Variants in ATP13A5 observed in about 807,000 individuals in gnomAD.
ATP13A5 encodes ATPase 13A5.
A neutral mutation model predicts 150.2 loss-of-function variants in ATP13A5; 149 were observed. That is an observed-to-expected ratio of 0.99 (90% confidence interval 0.87 to 1.14). The LOEUF (loss-of-function observed/expected upper bound fraction) is 1.14. Ranked by LOEUF, ATP13A5 falls within the 50% of genes most tolerant of loss-of-function variation. ATP13A5 has a pLI of 0.00. For missense variants in ATP13A5, 1,383 were observed against 1,449.3 expected, an observed-to-expected ratio of 0.95 and a Z score of 0.74; for synonymous variants, 497 against 522.2, an observed-to-expected ratio of 0.95 and a Z score of 0.66.
At chr3:193,293,092 C>A (rs1718031902) in intron 25 of ATP13A5, among the ~76,000 whole-genome samples, 1 of 151,940 alleles carries the variant, frequency 6.6e-6, no homozygotes, top group Non-Finnish European at 1.5e-5. Context: ...GCTTAAAGAC[C>A]CACAGTTAGT....
In ATP13A5 at chr3:193,345,054, G is replaced by A. The variant is rs745824116; in HGVS notation, c.763C>T (p.Leu255Phe). ...LRQQSVKLHN[L>F]VEDHNKVQVT... ...TGGACTTTGTTGTGGTCCTCCACGA[G>A]GTTATGCAGCTTAACTGATTGCTAC... is the stretch of plus-strand genomic sequence containing the variant. The change falls in exon 8 of 30, where the codon CTC (leucine) becomes TTC (phenylalanine). Residue 255 changes from leucine (L) to phenylalanine (F), a missense_variant. By Grantham distance (22) the Leu-to-Phe change is conservative (BLOSUM62 0). Around this residue, in one of 3 missense-constraint regions of ATP13A5, gnomAD observed 787 missense variants for 771.9 expected, o/e 1.02. Coordinates refer to ENST00000342358, the MANE Select transcript of ATP13A5 (RefSeq NM_198505.4). 6.2e-7 allele frequency: 1 copy of A among 1,613,520 alleles called. No individual in the cohort carries two copies. Among genetic ancestry groups the A allele is most frequent in the Non-Finnish European group, 8.5e-7 (1 of 1,179,678 alleles).
intron 16 of ATP13A5, 80 bp from the exon 17 acceptor site, chr3:193,319,188 T>C: frequency 1.0e-6 from 1 of 980,590 alleles, no homozygotes; most frequent in Non-Finnish European, 1.6e-6. Flanking sequence ...ACAGCCATTG[T>C]ACCTTGTCTT....
chr3:193,346,765 G>A (rs181235655), intron 7 of ATP13A5, among the ~76,000 whole-genome samples: 1 of 152,224 alleles, frequency 6.6e-6, no homozygotes, highest in African/African-American at 2.4e-5. Context: ...ATATACTTCA[G>A]TTTTGCATGG....
intron 26 of ATP13A5, among the ~76,000 whole-genome samples, chr3:193,285,814 C>A (rs1227860696): frequency 6.6e-6 from 1 of 152,140 alleles, no homozygotes; most frequent in Non-Finnish European, 1.5e-5. Context: ...ATCTGAAATG[C>A]CTTTACTTTT....
At chr3:193,276,454 G>T (rs764360364) in intron 29 of ATP13A5, among the ~76,000 whole-genome samples, 3 of 152,176 alleles carry the variant, frequency 2.0e-5, no homozygotes, top group Non-Finnish European at 4.4e-5. Context: ...GTCTTTACTA[G>T]ATTGTTGAAA....
intron 12 of ATP13A5, among the ~76,000 whole-genome samples, chr3:193,328,174 C>T (rs13096709): frequency 0.51 from 78,173 of 152,026 alleles, 22,445 homozygotes; most frequent in Non-Finnish European, 0.65. Flanking sequence ...AAATCCAGCC[C>T]TTCTGGAGTC....
chr3:193,334,347 A>G (rs994076550), intron 10 of ATP13A5, among the ~76,000 whole-genome samples: 17 of 152,212 alleles, frequency 1.1e-4, no homozygotes, highest in African/African-American at 4.1e-4. Context: ...ACTGGGACTC[A>G]GGAAGTGTTT....
intron 29 of ATP13A5, among the ~76,000 whole-genome samples, chr3:193,276,232 A>T (rs1303937234): frequency 1.3e-5 from 2 of 152,218 alleles, no homozygotes; most frequent in African/African-American, 4.8e-5. Flanking sequence ...CTCTCCTTTT[A>T]CAAAGATAAT....
intron 1 of ATP13A5, among the ~76,000 whole-genome samples, chr3:193,366,567 A>G (rs1713245722): frequency 6.6e-6 from 1 of 152,066 alleles, no homozygotes; most frequent in African/African-American, 2.4e-5. Flanking sequence ...ACAATCCCAA[A>G]TTTTTGCACA....
rs186998372 is a variant in ATP13A5 at position 193,307,481 on chromosome 3, T to C, written c.2526-112A>G. ...GATTTGTGTGTATGTGTGTGTCCCC[T>C]GAACACACCTGGAATCAGGCTGAAG... On this transcript the variant is annotated intron_variant, in intron 21 of 29. Transcript: ENST00000342358. The C allele has an allele frequency of 8.1e-6, 10 of 1,234,856 alleles. No homozygotes were observed. The East Asian group carries it at 9.8e-5, about 12-fold the overall frequency. 76.5% of individuals were successfully genotyped at this position (1,234,856 alleles called of 1,614,324 possible).
At chr3:193,307,659 C>T (rs1467528703) in intron 21 of ATP13A5, among the ~76,000 whole-genome samples, 2 of 152,148 alleles carry the variant, frequency 1.3e-5, no homozygotes, top group African/African-American at 4.8e-5. Flanking sequence ...CTTGATGATA[C>T]GCACCAAGGC....
At position 193,277,437 on chromosome 3, in the gene ATP13A5, G is replaced by T. The variant is rs575070283; in HGVS notation, c.3316-607C>A. Among the ~76,000 whole-genome samples the T allele has an allele frequency of 3.0e-4, 46 of 152,194 alleles. No individual in the cohort carries two copies. In the Middle Eastern group the frequency reaches 0.01, roughly 34 times the overall value. On this transcript the variant is annotated intron_variant, in intron 28 of 29. Coordinates refer to ENST00000342358, the MANE Select transcript of ATP13A5 (RefSeq NM_198505.4). Reference sequence around the variant, plus strand: ...ATAACTTCCCACGGCTGCATCCATAGCAAAAGGCTAGTTACACAGCCTTTT... The same window carrying T: ...ATAACTTCCCACGGCTGCATCCATATCAAAAGGCTAGTTACACAGCCTTTT...
In ATP13A5 at chr3:193,278,719, C is replaced by G. The variant is rs1158432875; in HGVS notation, c.3315+647G>C. Among the ~76,000 whole-genome samples, 4 of 152,302 alleles carry G rather than the reference C, an allele frequency of 2.6e-5. No homozygotes were observed. In the East Asian group the frequency reaches 7.7e-4, roughly 29 times the overall value. On this transcript the variant is annotated intron_variant, in intron 28 of 29. Transcript: ENST00000342358. ...CAGTGGGGCCTCCTTCTTCTATGTT[C>G]TTCCCAGTTCTGTCTGTCTTCACAC...
chr3:193,349,619 T>G (rs1317048804), intron 7 of ATP13A5, among the ~76,000 whole-genome samples: 1 of 152,042 alleles, frequency 6.6e-6, no homozygotes, highest in East Asian at 1.9e-4. Context: ...AAAATGAAAA[T>G]GCAAAACACT....
chr3:193,362,387 T>G lies in ATP13A5; in HGVS notation c.530A>C (p.Glu177Ala). 1 of 1,614,000 alleles carries G rather than the reference T, an allele frequency of 6.2e-7. No individual in the cohort carries two copies. The highest frequency in any genetic ancestry group is 8.5e-7 in the Non-Finnish European group (1 of 1,179,884). ...GGCATATAATAAGTCCTACCTGACC[T>G]CTTGCTCTTCACTGGTCAGACCCAA... ...FGLGLTSEEQ[E>A]VRRLVCGPNA... Residue 177 changes from glutamate (E) to alanine (A), a missense_variant, in exon 5 of 30, where the codon GAG becomes GCG. This residue lies in a region of ATP13A5 where 787 missense variants were observed against 771.9 expected (regional missense o/e 1.02). Coordinates refer to ENST00000342358, the MANE Select transcript of ATP13A5 (RefSeq NM_198505.4).
chr3:193,318,296 T>C (rs1406751388), intron 17 of ATP13A5, among the ~76,000 whole-genome samples: 1 of 152,222 alleles, frequency 6.6e-6, no homozygotes, highest in Non-Finnish European at 1.5e-5. Flanking sequence ...ACAAATCCAA[T>C]GTAAGAAATA....
At chr3:193,373,064 A>T (rs1419173060) in intron 1 of ATP13A5, among the ~76,000 whole-genome samples, 4 of 152,194 alleles carry the variant, frequency 2.6e-5, no homozygotes, top group Middle Eastern at 3.2e-3. Context: ...TCTTTATTGG[A>T]GGACAACCTT....
intron 18 of ATP13A5, 21 bp downstream of exon 18, chr3:193,314,951 C>T (rs750407269): frequency 1.9e-6 from 3 of 1,608,062 alleles, no homozygotes; most frequent in Non-Finnish European, 2.6e-6. Context: ...ACTTGCCAGG[C>T]CCCTAGAAAC....
chr3:193,314,970 AC>A lies in ATP13A5; in HGVS notation c.2158+1del, dbSNP rs754373313. 4 of 1,612,874 alleles carry A rather than the reference AC, an allele frequency of 2.5e-6. No individual in the cohort carries two copies. In the Admixed American group the frequency reaches 5.0e-5, roughly 20 times the overall value. On this transcript the variant is annotated splice_donor_variant, in intron 18 of 29. Coordinates refer to ENST00000342358, the MANE Select transcript of ATP13A5 (RefSeq NM_198505.4). LOFTEE classifies it high-confidence loss of function. ...GCCAGGCCCCTAGAAACAAATACAT[AC>A]CTGTAATCATCACAGTCCTGATACG...
Sources: allele counts gnomAD v4.1 joint callset (sites outside exome capture counted in the v4.1 genomes callset), GRCh38; gene constraint gnomAD v4.1.1; regional missense constraint gnomAD v4.1.1; transcripts MANE v1.5; gene names NCBI Gene and HGNC (gene_info 2026-07-23, HGNC 2026-07-21).